The following TXNDC11 variants were observed in gnomAD, a reference collection of about 807,000 sequenced individuals.
The protein encoded by TXNDC11 is thioredoxin domain-containing protein 11.
In TXNDC11, 68 loss-of-function variants were observed where a neutral mutation model predicts 78.0. The ratio of observed to expected loss-of-function variants is 0.87; its 90% CI spans 0.72 to 1.07. TXNDC11 has a LOEUF of 1.07. Ranked by LOEUF, TXNDC11 falls within the 50% of genes least tolerant of loss-of-function variation. TXNDC11 has a pLI of 0.00. For synonymous variants in TXNDC11, 571 were observed against 495.2 expected, an observed-to-expected ratio of 1.15 and a Z score of -2.03; for missense variants, 1,389 against 1,221.8, an observed-to-expected ratio of 1.14 and a Z score of -2.04.
intron 1 of TXNDC11, among the ~76,000 whole-genome samples, chr16:11,739,413 C>G (rs2052327470): frequency 6.6e-6 from 1 of 152,130 alleles, no homozygotes; most frequent in African/African-American, 2.4e-5. Flanking sequence ...ATAGTCCCAG[C>G]TACTATACTC....
intron 5 of TXNDC11, among the ~76,000 whole-genome samples, chr16:11,703,187 C>T (rs1432778217): frequency 6.6e-6 from 1 of 152,080 alleles, no homozygotes; most frequent in African/African-American, 2.4e-5. Context: ...ACGGGTAACA[C>T]CATGGTGAAT....
chr16:11,736,258 G>A (rs774190058), intron 1 of TXNDC11, 25 bp from the exon 2 acceptor site: 1 of 1,535,594 alleles, frequency 6.5e-7, no homozygotes, highest in South Asian at 1.2e-5. Flanking sequence ...ACACAGAAAA[G>A]ATTGCTTAGT....
Position 11,679,503 on chromosome 16 carries a change from C to T in TXNDC11, c.2569G>A (p.Glu857Lys), listed in dbSNP as rs1239794267. Reference sequence around the variant, plus strand: ...TGCTCATAGAGGGCCTGCAGCTGCTCACTGTGTGCGTGGAGCAGGCTGTGC... The same window carrying T: ...TGCTCATAGAGGGCCTGCAGCTGCTTACTGTGTGCGTGGAGCAGGCTGTGC... The part of the protein sequence containing the change: ...EQHSLLHAHS[E>K]QLQALYEQKT... The change falls in exon 12 of 12, where the codon GAG (glutamate) becomes AAG (lysine). Residue 857 changes from glutamate to lysine, a missense_variant. By Grantham distance (56) the Glu-to-Lys change is moderately conservative (BLOSUM62 1). Coordinates refer to ENST00000283033, the MANE Select transcript of TXNDC11 (RefSeq NM_015914.7). The surrounding 1 kb of genome is among the most constrained non-coding windows in gnomAD (Gnocchi z 4.6). 1.4e-5 allele frequency: 22 copies of T among 1,613,504 alleles called. No individual in the cohort carries two copies. Among genetic ancestry groups the T allele is most frequent in the Middle Eastern group, 3.3e-4 (2 of 6,062 alleles).
At chr16:11,695,912 G>A (rs1254762513) in intron 7 of TXNDC11, among the ~76,000 whole-genome samples, 1 of 151,948 alleles carries the variant, frequency 6.6e-6, no homozygotes, top group Non-Finnish European at 1.5e-5. Context: ...GCGTGCACCT[G>A]TAGTCCCAGC....
chr16:11,691,209 A>C, intron 8 of TXNDC11, 81 bp downstream of exon 8: 1 of 1,193,622 alleles, frequency 8.4e-7, no homozygotes, highest in Non-Finnish European at 1.2e-6. Flanking sequence ...AACTAAATGT[A>C]ATGAGAGCCA....
rs1331766298 is a variant in TXNDC11 at position 11,684,245 on chromosome 16, C to A, written c.2154G>T (p.Arg718Ser). Residue 718 changes from arginine to serine, a missense_variant and splice_region_variant, in exon 11 of 12, where the codon AGG (arginine) becomes AGT (serine). Coordinates refer to ENST00000283033, the MANE Select transcript of TXNDC11 (RefSeq NM_015914.7). Reference sequence around the variant, plus strand: ...GAAGGTCATTCTGAGACACGTCAATCCTGGTAAAGGGAAAGAACAGAAATG... The same window carrying A: ...GAAGGTCATTCTGAGACACGTCAATACTGGTAAAGGGAAAGAACAGAAATG... ...NLPMDTFTVA[R>S]IDVSQNDLPW... 6.2e-7 allele frequency: 1 copy of A among 1,611,350 alleles called. No homozygotes were observed. The highest frequency in any genetic ancestry group is 8.5e-7 in the Non-Finnish European group (1 of 1,177,936).
In TXNDC11 at chr16:11,688,369, G is replaced by C. The variant is rs555238171; in HGVS notation, c.1977C>G (p.Phe659Leu). 2.5e-6 allele frequency: 4 copies of C among 1,614,016 alleles called. No homozygotes were observed. The highest frequency in any genetic ancestry group is 3.4e-6 in the Non-Finnish European group (4 of 1,179,992). ...RHLIGSGSAQ[F>L]PSQHLITEVT... ...CTTCAGTGATTAAATGCTGAGACGG[G>C]AACTGGGCAGAGCCACTTCCAATGA... The change falls in exon 9 of 12, where the codon TTC (phenylalanine) becomes TTG (leucine). Residue 659 changes from phenylalanine to leucine, a missense_variant. Coordinates refer to ENST00000283033, the MANE Select transcript of TXNDC11 (RefSeq NM_015914.7).
At chr16:11,700,305 G>A (rs928598244) in intron 6 of TXNDC11, 147 bp downstream of exon 6, 2 of 435,302 alleles carry the variant, frequency 4.6e-6, no homozygotes, top group Non-Finnish European at 8.2e-6. Flanking sequence ...CTAGGGTGGG[G>A]CTGTAAGAAC....
chr16:11,687,817 G>A (rs1447612168), intron 10 of TXNDC11, 40 bp downstream of exon 10: 1 of 1,338,812 alleles, frequency 7.5e-7, no homozygotes, highest in Admixed American at 1.7e-5. Context: ...GAGTGAAAAT[G>A]GGCATACAGC....
intron 7 of TXNDC11, among the ~76,000 whole-genome samples, chr16:11,695,864 T>A (rs1490460892): frequency 6.6e-6 from 1 of 151,704 alleles, no homozygotes; most frequent in Admixed American, 6.6e-5. Context: ...CGAAACCCCA[T>A]CTCTACAGAA....
At chr16:11,739,927 C>T (rs973531417) in intron 1 of TXNDC11, among the ~76,000 whole-genome samples, 1 of 151,892 alleles carries the variant, frequency 6.6e-6, no homozygotes, top group African/African-American at 2.4e-5. Flanking sequence ...GGCGCGGTGG[C>T]TCACACTGTA....
In TXNDC11 at chr16:11,742,856, G is replaced by GCGCCGCCGCCGCGGGGTC; in HGVS notation, c.-127_-126insGACCCCGCGGCGGCGGCG. ...CTAACCCGGACGCTCCACGTCAGCC[G>GCGCCGCCGCCGCGGGGTC]CGCCGCCGCCGCGGGGTCCGCCCCA... is the stretch of plus-strand genomic sequence containing the variant. On this transcript the variant is annotated 5_prime_UTR_variant, in exon 1 of 12. Coordinates refer to ENST00000283033, the MANE Select transcript of TXNDC11 (RefSeq NM_015914.7). The GCGCCGCCGCCGCGGGGTC allele has an allele frequency of 7.7e-7, 1 of 1,291,834 alleles. No homozygotes were observed. Among genetic ancestry groups the GCGCCGCCGCCGCGGGGTC allele is most frequent in the Non-Finnish European group, 9.8e-7 (1 of 1,016,604 alleles). The allele number at this position is 1,291,834 out of a possible 1,614,324, so 80.0% of individuals were successfully genotyped here.
chr16:11,715,309 C>CA (rs927266566), intron 5 of TXNDC11, among the ~76,000 whole-genome samples: 10 of 151,372 alleles, frequency 6.6e-5, no homozygotes, highest in South Asian at 2.1e-4. Context: ...TTGATCTCTA[C>CA]AAAAAAAAAT....
rs1044396787 is a variant in TXNDC11 at position 11,733,526 on chromosome 16, C to CA, written c.569+455dup. 3.0e-3 allele frequency among the ~76,000 whole-genome samples: 412 copies of CA among 135,336 alleles called. 1 individual carries two copies. The highest frequency in any genetic ancestry group is 4.5e-3 in the Non-Finnish European group (279 of 62,338). The allele number at this position is 135,336 out of a possible 152,430, so 88.8% of individuals were successfully genotyped here. On this transcript the variant is annotated intron_variant, in intron 3 of 11. Coordinates refer to ENST00000283033, the MANE Select transcript of TXNDC11 (RefSeq NM_015914.7). ...TGGGCAACAGAGTGAGACTCCGTCT[C>CA]AAAAAAAAAAAAGAATTGTGGACAT... is the stretch of plus-strand genomic sequence containing the variant.
intron 5 of TXNDC11, among the ~76,000 whole-genome samples, chr16:11,714,837 CTA>C (rs947451730): frequency 2.0e-5 from 3 of 152,200 alleles, no homozygotes; most frequent in Non-Finnish European, 4.4e-5. Context: ...CTCTAAAACA[CTA>C]TTTCCCAAAG....
chr16:11,679,126 A>G lies in TXNDC11; in HGVS notation c.*69T>C, dbSNP rs562437497. 20 of 1,490,424 alleles carry G rather than the reference A, an allele frequency of 1.3e-5. No individual in the cohort carries two copies. The African/African-American group carries it at 2.7e-4, about 20-fold the overall frequency. 92.3% of individuals were successfully genotyped at this position (1,490,424 alleles called of 1,614,324 possible). ...AAATCTTTATTTACAATAAATTTCA[A>G]TAAAATTTGCATAAATATATTCCCA... On this transcript the variant is annotated 3_prime_UTR_variant, in exon 12 of 12. Transcript: ENST00000283033. The surrounding 1 kb of genome is among the most constrained non-coding windows in gnomAD (Gnocchi z 4.6).
At chr16:11,699,372 G>C (rs913359208) in intron 6 of TXNDC11, among the ~76,000 whole-genome samples, 2 of 152,160 alleles carry the variant, frequency 1.3e-5, no homozygotes, top group African/African-American at 4.8e-5. Context: ...AAAAATGAAG[G>C]ATGTAGGAAA....
At chr16:11,734,125 A>C (rs2052147086) in intron 2 of TXNDC11, 46 bp from the exon 3 acceptor site, 1 of 1,184,826 alleles carries the variant, frequency 8.4e-7, no homozygotes, top group Non-Finnish European at 1.2e-6. Flanking sequence ...ATAACAACTG[A>C]AAAGTTACCA....
At chr16:11,694,832 A>T (rs17606079) in intron 7 of TXNDC11, among the ~76,000 whole-genome samples, 3,763 of 151,038 alleles carry the variant, frequency 0.025, 80 homozygotes, top group Non-Finnish European at 0.039. Flanking sequence ...TTTACCTAAC[A>T]GGCAGTTTTG....
Sources: allele counts gnomAD v4.1 joint callset (sites outside exome capture counted in the v4.1 genomes callset), GRCh38; gene constraint gnomAD v4.1.1; non-coding constraint Gnocchi (gnomAD v3.1); transcripts MANE v1.5; gene names NCBI Gene and HGNC (gene_info 2026-07-23, HGNC 2026-07-21).